CDC16: variants seen among roughly 807,000 people sequenced by gnomAD.
The protein encoded by CDC16 is cell division cycle 16.
A neutral mutation model predicts 87.0 loss-of-function variants in CDC16; 34 were observed. The ratio of observed to expected loss-of-function variants is 0.39; its 90% CI spans 0.30 to 0.52. The LOEUF (loss-of-function observed/expected upper bound fraction) is 0.52, where lower values mean the gene tolerates loss of function less well. Among genes scored for constraint, CDC16 ranks in the 20% least tolerant of loss-of-function variants. CDC16 has a pLI of 0.74. For synonymous variants in CDC16, 263 were observed against 260.6 expected, an observed-to-expected ratio of 1.01 and a Z score of -0.09; for missense variants, 653 against 751.9, an observed-to-expected ratio of 0.87 and a Z score of 1.54.
intron 12 of CDC16, among the ~76,000 whole-genome samples, chr13:114,253,172 G>A (rs947480822): frequency 3.3e-5 from 5 of 152,122 alleles, no homozygotes; most frequent in Admixed American, 2.6e-4. Context: ...GAGCAGCTCT[G>A]CATTTTCTTA....
At chr13:114,270,936 T>G (rs2083592223) in intron 17 of CDC16, among the ~76,000 whole-genome samples, 1 of 148,060 alleles carries the variant, frequency 6.8e-6, no homozygotes, top group African/African-American at 2.5e-5. Flanking sequence ...TTTTTTTTTT[T>G]TTTGAGACAC....
intron 12 of CDC16, among the ~76,000 whole-genome samples, chr13:114,250,875 G>C (rs1040831206): frequency 2.0e-5 from 3 of 152,146 alleles, no homozygotes; most frequent in Admixed American, 1.3e-4. Context: ...CCTAGCAGTT[G>C]ATTCCAACCA....
intron 12 of CDC16, among the ~76,000 whole-genome samples, chr13:114,255,584 C>G (rs2082444940): frequency 6.6e-6 from 1 of 151,530 alleles, no homozygotes; most frequent in Non-Finnish European, 1.5e-5. Context: ...TGCATAAATT[C>G]CAAAATTAAA....
chr13:114,251,318 G>C (rs1262396177), intron 12 of CDC16, among the ~76,000 whole-genome samples: 2 of 152,114 alleles, frequency 1.3e-5, no homozygotes, highest in Non-Finnish European at 2.9e-5. Flanking sequence ...ATGTGACGTT[G>C]GGCAAGTTTT....
intron 8 of CDC16, 103 bp from the exon 9 acceptor site, chr13:114,244,787 A>C (rs1008533811): frequency 6.9e-5 from 44 of 634,820 alleles, no homozygotes; most frequent in Non-Finnish European, 1.2e-4. Flanking sequence ...TACAACCCAC[A>C]GCATCATATG....
chr13:114,239,052 T>C, intron 4 of CDC16, 24 bp downstream of exon 4: 1 of 1,607,622 alleles, frequency 6.2e-7, no homozygotes, highest in Non-Finnish European at 8.5e-7. Flanking sequence ...TAATTTCATT[T>C]TTATTTGGTT....
intron 13 of CDC16, 62 bp from the exon 14 acceptor site, chr13:114,259,273 T>G (rs1261885731): frequency 1.6e-6 from 2 of 1,226,914 alleles, no homozygotes; most frequent in African/African-American, 3.1e-5. Context: ...AATCAAAAAT[T>G]TTTTTAAAGT....
intron 10 of CDC16, 141 bp downstream of exon 10, chr13:114,246,190 A>G (rs2081862391): frequency 3.9e-6 from 2 of 519,108 alleles, no homozygotes; most frequent in Non-Finnish European, 3.4e-6. Flanking sequence ...CCTAGTGTTT[A>G]TTGTACTTAC....
intron 5 of CDC16, among the ~76,000 whole-genome samples, chr13:114,241,652 A>G (rs116610865): frequency 5.9e-5 from 9 of 152,196 alleles, no homozygotes; most frequent in Non-Finnish European, 1.0e-4. Flanking sequence ...TTTGCTGTGC[A>G]TTTTTTGTGT....
intron 17 of CDC16, among the ~76,000 whole-genome samples, chr13:114,271,743 A>C (rs2083686741): frequency 6.6e-6 from 1 of 151,998 alleles, no homozygotes; most frequent in Non-Finnish European, 1.5e-5. Flanking sequence ...GGCCTCCCAA[A>C]GTGCTGGGAT....
chr13:114,269,032 C>T (rs1349018741), intron 17 of CDC16, among the ~76,000 whole-genome samples: 1 of 151,990 alleles, frequency 6.6e-6, no homozygotes, highest in Non-Finnish European at 1.5e-5. Flanking sequence ...TGCTGCCTAA[C>T]CACTCCAAAA....
At chr13:114,253,066 A>G (rs577331342) in intron 12 of CDC16, among the ~76,000 whole-genome samples, 19 of 152,334 alleles carry the variant, frequency 1.2e-4, no homozygotes, top group East Asian at 1.2e-3. Flanking sequence ...TGCCACCACA[A>G]TCCAGCCTGG....
At chr13:114,235,720 G>A (rs2081216425) in intron 1 of CDC16, among the ~76,000 whole-genome samples, 1 of 152,156 alleles carries the variant, frequency 6.6e-6, no homozygotes, top group South Asian at 2.1e-4. Flanking sequence ...GCTCTTTCAG[G>A]AAATTGGAAA....
chr13:114,237,925 TC>T (rs1390361396), intron 3 of CDC16, among the ~76,000 whole-genome samples: 1 of 152,212 alleles, frequency 6.6e-6, no homozygotes, highest in African/African-American at 2.4e-5. Context: ...TTCAGTGACT[TC>T]CCATTAGCTG....
Position 114,243,265 on chromosome 13 carries a change from C to T in CDC16, c.550C>T (p.Leu184Phe), listed in dbSNP as rs773221838. The T allele has an allele frequency of 2.0e-6, 3 of 1,493,434 alleles. No homozygotes were observed. The highest frequency in any genetic ancestry group is 1.7e-4 in the Middle Eastern group (1 of 5,806). The allele number at this position is 1,493,434 out of a possible 1,614,324, so 92.5% of individuals were successfully genotyped here. ...TTCTCACCATTTTTAAGAAAAAGAA[C>T]TTCTTGAATCACTACCCCTTAGCAA... Reference protein sequence around the residue: ...HMLTAQEEKELLESLPLSKLC... With the variant: ...HMLTAQEEKEFLESLPLSKLC... Residue 184 changes from leucine to phenylalanine, a missense_variant, in exon 7 of 18, where the codon CTT becomes TTT. Coordinates refer to ENST00000356221, the MANE Select transcript of CDC16 (RefSeq NM_001078645.3).
intron 5 of CDC16, 130 bp downstream of exon 5, chr13:114,239,620 C>G: frequency 8.0e-7 from 1 of 1,245,764 alleles, no homozygotes; most frequent in South Asian, 3.2e-5. Context: ...ATTTAATTTG[C>G]CCACCAAAAC....
At chr13:114,271,527 T>G (rs17291633) in intron 17 of CDC16, among the ~76,000 whole-genome samples, 4,085 of 152,072 alleles carry the variant, frequency 0.027, 80 homozygotes, top group Non-Finnish European at 0.039. Flanking sequence ...CAGGCTGGAG[T>G]GCAGTGGCAC....
At chr13:114,246,087 T>C in intron 10 of CDC16, 38 bp downstream of exon 10, 2 of 973,672 alleles carry the variant, frequency 2.1e-6, no homozygotes, top group East Asian at 5.1e-5. Flanking sequence ...TTTTTTTTTT[T>C]TACCTGTACT....
intron 15 of CDC16, 145 bp from the exon 16 acceptor site, chr13:114,262,734 G>C: frequency 1.3e-6 from 1 of 760,886 alleles, no homozygotes; most frequent in Non-Finnish European, 2.2e-6. Context: ...AGATGCATGA[G>C]AGTAGGTGTG....
Sources: allele counts gnomAD v4.1 joint callset (sites outside exome capture counted in the v4.1 genomes callset), GRCh38; gene constraint gnomAD v4.1.1; transcripts MANE v1.5; gene names NCBI Gene and HGNC (gene_info 2026-07-23, HGNC 2026-07-21).